ASAH2: variants seen among roughly 807,000 people sequenced by gnomAD.
The protein encoded by ASAH2 is N-acylsphingosine amidohydrolase 2, also known as neutral ceramidase.
ASAH2 carries 58 observed loss-of-function variants against 82.9 expected under a neutral mutation model. The observed-to-expected ratio is 0.70, with a 90% CI of 0.57 to 0.87. The LOEUF is 0.87. Among genes scored for constraint, ASAH2 ranks in the 40% least tolerant of loss-of-function variants. The pLI, the probability that ASAH2 is intolerant of heterozygous loss-of-function variation, is 0.00. For synonymous variants in ASAH2, 276 were observed against 289.7 expected (o/e 0.95, Z 0.48); for missense variants, 779 against 834.0 (o/e 0.93, Z 0.81).
chr10:50,248,853 T>C (rs939267414), intron 1 of ASAH2, among the ~76,000 whole-genome samples: 3 of 152,236 alleles, frequency 2.0e-5, no homozygotes, highest in African/African-American at 7.2e-5. Context: ...TTCCAAATCT[T>C]TCTCAACACA....
intron 7 of ASAH2, among the ~76,000 whole-genome samples, chr10:50,222,048 A>G (rs1014996486): frequency 3.3e-5 from 5 of 152,188 alleles, no homozygotes; most frequent in African/African-American, 1.2e-4. Context: ...CAGAGAATGG[A>G]TAGTCAGGGC....
At chr10:50,198,951 C>T in intron 17 of ASAH2, 100 bp downstream of exon 17, 1 of 1,323,788 alleles carries the variant, frequency 7.6e-7, no homozygotes, top group Non-Finnish European at 1.1e-6. Context: ...CTTTCACTTC[C>T]CTCTGCATTT....
At chr10:50,210,271 C>T (rs1045795826) in intron 12 of ASAH2, among the ~76,000 whole-genome samples, 45 of 152,164 alleles carry the variant, frequency 3.0e-4, no homozygotes, top group Non-Finnish European at 5.4e-4. Context: ...GAGGCTGAGG[C>T]GGGCGGATCA....
chr10:50,197,412 TC>T (rs1371410719), intron 17 of ASAH2, among the ~76,000 whole-genome samples: 1 of 151,484 alleles, frequency 6.6e-6, no homozygotes, highest in Non-Finnish European at 1.5e-5. Context: ...TCATCCCACA[TC>T]CTGACTGGTT....
intron 12 of ASAH2, among the ~76,000 whole-genome samples, chr10:50,207,670 C>T (rs1845339676): frequency 6.6e-6 from 1 of 151,060 alleles, no homozygotes; most frequent in South Asian, 2.1e-4. Context: ...GAGATTGATT[C>T]ATAACACATT....
At chr10:50,209,282 T>C (rs1478433594) in intron 12 of ASAH2, among the ~76,000 whole-genome samples, 1 of 152,134 alleles carries the variant, frequency 6.6e-6, no homozygotes, top group African/African-American at 2.4e-5. Context: ...AATTTAGACT[T>C]CATAAAAATT....
intron 18 of ASAH2, among the ~76,000 whole-genome samples, chr10:50,193,569 T>C (rs1844897970): frequency 6.6e-6 from 1 of 151,524 alleles, no homozygotes; most frequent in Non-Finnish European, 1.5e-5. Context: ...CAAGATTCTG[T>C]TCCCACCAGG....
chr10:50,210,179 T>C (rs1845413402), intron 12 of ASAH2, among the ~76,000 whole-genome samples: 1 of 152,138 alleles, frequency 6.6e-6, no homozygotes. Flanking sequence ...TCTGATATGT[T>C]GATACAATGG....
rs779301748 is a variant in ASAH2 at position 50,206,135 on chromosome 10, C to G, written c.1415-38G>C. On this transcript the variant is annotated intron_variant, in intron 12 of 20. Coordinates refer to ENST00000682911, the MANE Select transcript of ASAH2 (RefSeq NM_019893.4). ...TTATAATTAGTATACTTCCTTGAAC[C>G]AACCCTCTCAAAAAAGTCATTATCT... 153 of 1,398,160 alleles carry G rather than the reference C, an allele frequency of 1.1e-4. No individual in the cohort carries two copies. In the African/African-American group the frequency reaches 1.8e-3, roughly 16 times the overall value. 86.6% of individuals were successfully genotyped at this position (1,398,160 alleles called of 1,614,324 possible). A position where few individuals can be genotyped will look rare whatever the true frequency, so the allele number is the denominator to read the frequency against.
chr10:50,234,354 C>A, intron 6 of ASAH2, 71 bp downstream of exon 6: 11 of 1,603,076 alleles, frequency 6.9e-6, no homozygotes, highest in Non-Finnish European at 9.4e-6. Flanking sequence ...CAAGTAACAG[C>A]CCTGTACTTA....
chr10:50,236,319 C>T (rs35649139), intron 4 of ASAH2, among the ~76,000 whole-genome samples: 49,825 of 151,930 alleles, frequency 0.33, 10,126 homozygotes, highest in Non-Finnish European at 0.45. Flanking sequence ...AATATGTCCT[C>T]CTTCACATGA....
chr10:50,233,316 T>A, intron 6 of ASAH2, 55 bp from the exon 7 acceptor site: 3 of 1,304,674 alleles, frequency 2.3e-6, no homozygotes, highest in Non-Finnish European at 3.3e-6. Context: ...CTAACCCTCA[T>A]GTAAGATGAA....
chr10:50,224,762 CCCTCAAAATCAT>C (rs1381216394), intron 7 of ASAH2, among the ~76,000 whole-genome samples: 2 of 152,086 alleles, frequency 1.3e-5, no homozygotes, highest in African/African-American at 4.8e-5. Flanking sequence ...CGTTTTCACT[CCCTCAAAATCAT>C]CCTCACCCCA....
chr10:50,229,243 A>T (rs1224134859), intron 7 of ASAH2, among the ~76,000 whole-genome samples: 1 of 152,170 alleles, frequency 6.6e-6, no homozygotes, highest in East Asian at 1.9e-4. Flanking sequence ...AGTCTCCCAA[A>T]GTGAATTTTG....
chr10:50,233,962 CT>C (rs1846080938), intron 6 of ASAH2, among the ~76,000 whole-genome samples: 1 of 152,096 alleles, frequency 6.6e-6, no homozygotes, highest in Non-Finnish European at 1.5e-5. Context: ...TTGCCACACT[CT>C]TGTGGACTAA....
intron 7 of ASAH2, among the ~76,000 whole-genome samples, chr10:50,231,049 A>G (rs1846009088): frequency 6.6e-6 from 1 of 152,054 alleles, no homozygotes; most frequent in South Asian, 2.1e-4. Context: ...TCAGGAAAAA[A>G]AAAAAAAAAA....
intron 8 of ASAH2, among the ~76,000 whole-genome samples, chr10:50,217,153 C>T (rs1345070546): frequency 1.3e-5 from 2 of 151,904 alleles, no homozygotes; most frequent in East Asian, 1.9e-4. Context: ...AAGAGCCTGG[C>T]TTCTTCAGTT....
rs889158456 is a variant in ASAH2 at position 50,208,095 on chromosome 10, G to A, written c.1415-1998C>T. ...TGAGCAGATACAGAGAGAAATATTT[G>A]CCAAAAAACTAATACCATTTTATGA... On this transcript the variant is annotated intron_variant, in intron 12 of 20. Coordinates refer to ENST00000682911, the MANE Select transcript of ASAH2 (RefSeq NM_019893.4). Among the ~76,000 whole-genome samples the A allele has an allele frequency of 7.6e-3, 1,159 of 151,938 alleles. 12 individuals carry two copies. Among genetic ancestry groups the A allele is most frequent in the African/African-American group, 0.026 (1,096 of 41,532 alleles).
At chr10:50,236,436 C>T (rs937714210) in intron 4 of ASAH2, among the ~76,000 whole-genome samples, 1 of 152,002 alleles carries the variant, frequency 6.6e-6, no homozygotes, top group Non-Finnish European at 1.5e-5. Context: ...GGGTACCCAC[C>T]CTCATGATTC....
Sources: allele counts gnomAD v4.1 joint callset (sites outside exome capture counted in the v4.1 genomes callset), GRCh38; gene constraint gnomAD v4.1.1; transcripts MANE v1.5; gene names NCBI Gene and HGNC (gene_info 2026-07-23, HGNC 2026-07-21).